ABCC1: variants seen among roughly 807,000 people sequenced by gnomAD.
ABCC1 encodes the protein multidrug resistance-associated protein 1.
Under a neutral mutation model 172.9 loss-of-function variants are expected in ABCC1, and 83 were observed. That is an observed-to-expected ratio of 0.48 (90% confidence interval 0.40 to 0.58). The LOEUF (loss-of-function observed/expected upper bound fraction) is 0.58, where lower values mean the gene tolerates loss of function less well. Ranked by LOEUF, ABCC1 falls within the 20% of genes least tolerant of loss-of-function variation. The pLI, the probability that ABCC1 is intolerant of heterozygous loss-of-function variation, is 0.00. For synonymous variants in ABCC1, 937 were observed against 825.2 expected, an observed-to-expected ratio of 1.14 and a Z score of -2.32; for missense variants, 1,817 against 2,002.7, an observed-to-expected ratio of 0.91 and a Z score of 1.77.
chr16:16,090,316 G>C, intron 18 of ABCC1, 89 bp from the exon 19 acceptor site: 5 of 1,372,912 alleles, frequency 3.6e-6, no homozygotes, highest in Non-Finnish European at 4.8e-6. Context: ...GGTGTTCGTC[G>C]GCTCATTCCT....
chr16:16,081,066 C>T (rs1335751013), intron 16 of ABCC1, among the ~76,000 whole-genome samples: 3 of 152,136 alleles, frequency 2.0e-5, no homozygotes, highest in Non-Finnish European at 4.4e-5. Context: ...CGGGATTTTA[C>T]CATGTTGACC....
intron 23 of ABCC1, among the ~76,000 whole-genome samples, chr16:16,121,599 C>G (rs186368267): frequency 6.6e-6 from 1 of 152,308 alleles, no homozygotes; most frequent in Admixed American, 6.5e-5. Context: ...AGTTCTGCCC[C>G]TTGCTAGCCA....
chr16:16,078,577 G>T (rs1415971469), intron 15 of ABCC1, among the ~76,000 whole-genome samples: 4 of 152,100 alleles, frequency 2.6e-5, no homozygotes, highest in Non-Finnish European at 5.9e-5. Context: ...CAGTGCCATC[G>T]CATCCCTGGT....
At chr16:16,076,274 A>C (rs2050562813) in intron 14 of ABCC1, 52 bp from the exon 15 acceptor site, 1 of 1,547,208 alleles carries the variant, frequency 6.5e-7, no homozygotes, top group Non-Finnish European at 8.9e-7. Flanking sequence ...TGTTCTGTGC[A>C]TGTGGAGTCG....
At chr16:16,066,946 T>A (rs575432761) in intron 12 of ABCC1, among the ~76,000 whole-genome samples, 1 of 151,634 alleles carries the variant, frequency 6.6e-6, no homozygotes, top group African/African-American at 2.4e-5. Context: ...AGTGTTGCGT[T>A]ACCGCTTAGA....
intron 19 of ABCC1, among the ~76,000 whole-genome samples, chr16:16,090,817 C>T (rs1227512530): frequency 6.6e-6 from 1 of 152,110 alleles, no homozygotes; most frequent in African/African-American, 2.4e-5. Context: ...ATGGGAGCAC[C>T]AGGCTTCAGC....
intron 27 of ABCC1, 128 bp downstream of exon 27, chr16:16,132,063 T>G (rs1401479945): frequency 2.5e-6 from 3 of 1,210,606 alleles, no homozygotes; most frequent in African/African-American, 1.5e-5. Flanking sequence ...AATGGCTTTT[T>G]GGGGGGCTGG....
At chr16:15,951,615 C>A (rs1349953137) in intron 1 of ABCC1, among the ~76,000 whole-genome samples, 9 of 152,004 alleles carry the variant, frequency 5.9e-5, no homozygotes, top group Non-Finnish European at 8.8e-5. Context: ...GCAACTGGGG[C>A]CTGAGTGGGA....
rs892543578 is a variant in ABCC1 at position 15,966,655 on chromosome 16, T to C, written c.48+16856T>C. Among the ~76,000 whole-genome samples the C allele has an allele frequency of 1.3e-5, 2 of 150,074 alleles. 1 individual carries two copies. Among genetic ancestry groups the C allele is most frequent in the African/African-American group, 4.9e-5 (2 of 40,868 alleles). ...GTAGTTTGCTTTTCTCTCTCTCTTT[T>C]TTTTTTTTTTTTAGAGACAGAGACT... is the stretch of plus-strand genomic sequence containing the variant. On this transcript the variant is annotated intron_variant, in intron 1 of 30. Coordinates refer to ENST00000399410, the MANE Select transcript of ABCC1 (RefSeq NM_004996.4).
At chr16:16,080,172 C>G (rs916986152) in intron 16 of ABCC1, among the ~76,000 whole-genome samples, 2 of 152,104 alleles carry the variant, frequency 1.3e-5, no homozygotes, top group African/African-American at 4.8e-5. Context: ...GTGTCTCCTT[C>G]CCTTGCGTCT....
intron 20 of ABCC1, among the ~76,000 whole-genome samples, chr16:16,104,773 G>A (rs2051991258): frequency 6.6e-6 from 1 of 152,176 alleles, no homozygotes; most frequent in East Asian, 1.9e-4. Context: ...GGGGAGGTGG[G>A]GAGGCTCAGG....
At chr16:16,105,088 G>C (rs34692171) in intron 20 of ABCC1, among the ~76,000 whole-genome samples, 4 of 152,220 alleles carry the variant, frequency 2.6e-5, no homozygotes, top group Admixed American at 6.5e-5. Flanking sequence ...GTGCAGCGGC[G>C]GGCTGAAGGG....
At chr16:16,135,689 C>T (rs758540140) in intron 28 of ABCC1, among the ~76,000 whole-genome samples, 3 of 151,976 alleles carry the variant, frequency 2.0e-5, no homozygotes, top group African/African-American at 7.2e-5. Context: ...CTCCTGACCT[C>T]GAGTGATCTG....
At chr16:16,098,750 C>T (rs1309914882) in intron 19 of ABCC1, 2 of 849,440 alleles carry the variant, frequency 2.4e-6, no homozygotes, top group South Asian at 1.3e-5. Flanking sequence ...GCAGACCCTT[C>T]AGCCATTCTT....
chr16:16,139,049 G>C (rs974068520), intron 30 of ABCC1, among the ~76,000 whole-genome samples: 2 of 152,176 alleles, frequency 1.3e-5, no homozygotes, highest in Non-Finnish European at 2.9e-5. Context: ...ATTCATTCAC[G>C]TCAGCGCACC....
At chr16:16,006,866 G>A (rs1420159672) in intron 1 of ABCC1, among the ~76,000 whole-genome samples, 1 of 151,444 alleles carries the variant, frequency 6.6e-6, no homozygotes, top group Non-Finnish European at 1.5e-5. Context: ...TGGCGGTGGC[G>A]GTGGCGGTGG....
intron 1 of ABCC1, among the ~76,000 whole-genome samples, chr16:15,980,753 C>T (rs1162293140): frequency 6.6e-6 from 1 of 152,132 alleles, no homozygotes; most frequent in Non-Finnish European, 1.5e-5. Context: ...ATCTCATGTC[C>T]TCACATTTCA....
rs763357938 is a variant in ABCC1, at chr16:16,071,729, GGT to G, written c.1912+11_1912+12del. 65 of 1,609,832 alleles carry G rather than the reference GGT, an allele frequency of 4.0e-5. No homozygotes were observed. The highest frequency in any genetic ancestry group is 6.7e-5 in the Admixed American group (4 of 59,754). Reference sequence around the variant, plus strand: ...CATCGAGCGACGGCCTGTCAAAGACGGTGTGTGTGTGTTCAGTCCTGGCTTCT... The same window carrying G: ...CATCGAGCGACGGCCTGTCAAAGACGGTGTGTGTGTTCAGTCCTGGCTTCT... On this transcript the variant is annotated splice_donor_variant, in intron 14 of 30. Transcript: ENST00000399410. LOFTEE classifies it high-confidence loss of function.
At chr16:15,971,097 G>A (rs1352192234) in intron 1 of ABCC1, among the ~76,000 whole-genome samples, 2 of 152,196 alleles carry the variant, frequency 1.3e-5, no homozygotes, top group Admixed American at 1.3e-4. Context: ...GACGGAGGAG[G>A]GCTCCAAAGC....
Sources: allele counts gnomAD v4.1 joint callset (sites outside exome capture counted in the v4.1 genomes callset), GRCh38; gene constraint gnomAD v4.1.1; transcripts MANE v1.5; gene names NCBI Gene and HGNC (gene_info 2026-07-23, HGNC 2026-07-21).